The following HDAC9 variants were observed in gnomAD, a reference collection of about 807,000 sequenced individuals.
HDAC9 encodes the protein MEF-2 interacting transcription repressor (MITR) protein.
Under a neutral mutation model 139.4 loss-of-function variants are expected in HDAC9, and 41 were observed. The ratio of observed to expected loss-of-function variants is 0.29; its 90% CI spans 0.23 to 0.38. The LOEUF (loss-of-function observed/expected upper bound fraction) is 0.38. Among genes scored for constraint, HDAC9 ranks in the 10% least tolerant of loss-of-function variants. The probability of loss-of-function intolerance (pLI) is 1.00; values close to 1 mark genes in which losing one functional copy is unlikely to be tolerated. For synonymous variants in HDAC9, 517 were observed against 476.2 expected, an observed-to-expected ratio of 1.09 and a Z score of -1.12; for missense variants, 1,147 against 1,297.0, an observed-to-expected ratio of 0.88 and a Z score of 1.78.
At chr7:18,296,739 G>A (rs1798176572) in intron 1 of HDAC9, among the ~76,000 whole-genome samples, 1 of 152,110 alleles carries the variant, frequency 6.6e-6, no homozygotes, top group Non-Finnish European at 1.5e-5. Context: ...TGGCTTTGAG[G>A]CTTGGCACCA....
intron 2 of HDAC9, among the ~76,000 whole-genome samples, chr7:18,497,040 C>T (rs527912765): frequency 2.0e-5 from 3 of 152,076 alleles, no homozygotes; most frequent in Non-Finnish European, 4.4e-5. Flanking sequence ...TTTCTAGTTT[C>T]TCAAGGAGAT....
rs535007165 is a variant in HDAC9, at chr7:18,142,818, G to A, written c.-96-19411G>A. Among the ~76,000 whole-genome samples the A allele has an allele frequency of 1.1e-4, 16 of 152,236 alleles. 1 individual carries two copies. Among genetic ancestry groups the A allele is most frequent in the African/African-American group, 2.4e-4 (10 of 41,528 alleles). On this transcript the variant is annotated intron_variant, in intron 1 of 12. Transcript: ENST00000417496. ...GCGGGTCAAGACTATTCAGCTTCACGTTCACAACTTCTGCCTCCTCCTCTC... is the reference window on the plus strand; with the variant it reads ...GCGGGTCAAGACTATTCAGCTTCACATTCACAACTTCTGCCTCCTCCTCTC...
chr7:18,656,500 T>G (rs1433481653), intron 11 of HDAC9, among the ~76,000 whole-genome samples: 1 of 152,124 alleles, frequency 6.6e-6, no homozygotes, highest in Non-Finnish European at 1.5e-5. Flanking sequence ...ATCTATCATC[T>G]TGATAGATTT....
chr7:18,572,366 A>T (rs1156450258), intron 2 of HDAC9, among the ~76,000 whole-genome samples: 1 of 151,346 alleles, frequency 6.6e-6, no homozygotes, highest in Non-Finnish European at 1.5e-5. Context: ...TATGACAAAT[A>T]GCTATTTCAA....
chr7:18,397,482 G>A (rs867093917), intron 1 of HDAC9, among the ~76,000 whole-genome samples: 10 of 152,072 alleles, frequency 6.6e-5, no homozygotes, highest in South Asian at 2.1e-4. Flanking sequence ...GAGATGGATC[G>A]TACACTTTAT....
At chr7:18,905,167 A>G (rs771764177) in intron 22 of HDAC9, among the ~76,000 whole-genome samples, 12 of 152,202 alleles carry the variant, frequency 7.9e-5, no homozygotes, top group Non-Finnish European at 1.3e-4. Context: ...CTGGGATTAC[A>G]GGCGTGAGCC....
chr7:18,711,911 C>G (rs545696847), intron 12 of HDAC9, among the ~76,000 whole-genome samples: 11 of 150,398 alleles, frequency 7.3e-5, no homozygotes, highest in African/African-American at 2.5e-4. Flanking sequence ...CCCATCTCTT[C>G]TCTCATTTCT....
chr7:18,556,537 A>C (rs1317005164), intron 2 of HDAC9, among the ~76,000 whole-genome samples: 1 of 152,046 alleles, frequency 6.6e-6, no homozygotes, highest in Non-Finnish European at 1.5e-5. Flanking sequence ...TTTACTATCT[A>C]AATAATGTCT....
In HDAC9 at chr7:18,422,827, C is replaced by A. The variant is rs1460701546; in HGVS notation, c.-41-73435C>A. Among the ~76,000 whole-genome samples the A allele has an allele frequency of 2.6e-5, 4 of 151,834 alleles. No homozygotes were observed. In the South Asian group the frequency reaches 8.3e-4, roughly 32 times the overall value. On this transcript the variant is annotated intron_variant, in intron 1 of 3. Coordinates refer to the HDAC9 transcript ENST00000413509. ...GATTGGGTTAAAGGTTATTTTTTTC[C>A]CCTCTCAAGACTGGTTTCCTATCTT...
At chr7:18,701,783 G>A (rs1019827594) in intron 12 of HDAC9, among the ~76,000 whole-genome samples, 4 of 152,212 alleles carry the variant, frequency 2.6e-5, no homozygotes, top group African/African-American at 9.6e-5. Context: ...ACATATCTGT[G>A]ATGTCTTGTA....
Position 18,183,110 on chromosome 7 carries a change from C to T in HDAC9, c.25+20761C>T, listed in dbSNP as rs540181393. Among the ~76,000 whole-genome samples the T allele has an allele frequency of 2.1e-4, 32 of 151,912 alleles. No homozygotes were observed. The East Asian group carries it at 5.8e-3, about 28-fold the overall frequency. On this transcript the variant is annotated intron_variant, in intron 2 of 12. Coordinates refer to the HDAC9 transcript ENST00000417496. The stretch of plus-strand genomic sequence containing the variant: ...CTGCAAGCTCCGCCTCCTGGGTTCA[C>T]GCCATTCTCCTGCCTCAGCTTCCCG...
chr7:18,279,053 G>A (rs558081421), intron 2 of HDAC9, among the ~76,000 whole-genome samples: 27 of 152,228 alleles, frequency 1.8e-4, no homozygotes, highest in African/African-American at 5.8e-4. Flanking sequence ...CCAATCTCAG[G>A]CGTGGACAGA....
chr7:18,266,164 T>G (rs898688045), intron 2 of HDAC9, among the ~76,000 whole-genome samples: 5 of 152,202 alleles, frequency 3.3e-5, no homozygotes, highest in Non-Finnish European at 7.4e-5. Flanking sequence ...TTGTACATTA[T>G]CTAACAAAAC....
chr7:18,719,011 C>T (rs1364057134), intron 12 of HDAC9, among the ~76,000 whole-genome samples: 1 of 152,146 alleles, frequency 6.6e-6, no homozygotes, highest in Non-Finnish European at 1.5e-5. Context: ...TTACAAATCC[C>T]TGATAGCTAA....
intron 2 of HDAC9, among the ~76,000 whole-genome samples, chr7:18,190,831 A>G (rs1790299354): frequency 6.6e-6 from 1 of 152,132 alleles, no homozygotes. Flanking sequence ...TATGTCCCAA[A>G]TTCCTTTTAA....
chr7:18,885,319 G>A (rs1455982972), intron 22 of HDAC9, among the ~76,000 whole-genome samples: 3 of 152,180 alleles, frequency 2.0e-5, no homozygotes, highest in African/African-American at 4.8e-5. Context: ...ATTGATGATA[G>A]AATTATAATA....
At chr7:18,875,105 G>A (rs1384267888) in intron 22 of HDAC9, among the ~76,000 whole-genome samples, 1 of 152,150 alleles carries the variant, frequency 6.6e-6, no homozygotes, top group Non-Finnish European at 1.5e-5. Context: ...CTTCTGTTGT[G>A]TTGCAAAGTT....
Position 18,573,516 on chromosome 7 carries a change from C to T in HDAC9, c.23-11765C>T, listed in dbSNP as rs896408071. 1.3e-4 allele frequency among the ~76,000 whole-genome samples: 20 copies of T among 152,318 alleles called. No homozygotes were observed. The East Asian group carries it at 3.7e-3, about 28-fold the overall frequency. On this transcript the variant is annotated intron_variant, in intron 2 of 25. Coordinates refer to ENST00000686413, the MANE Select transcript of HDAC9 (RefSeq NM_178425.4). ...TTGCTAGTGCCCGTTTCTTTCCACC[C>T]ACTCGGCTCAACAGGCTGCACTCGG...
chr7:18,139,265 G>A (rs1444235689), intron 1 of HDAC9, among the ~76,000 whole-genome samples: 1 of 151,440 alleles, frequency 6.6e-6, no homozygotes, highest in Non-Finnish European at 1.5e-5. Flanking sequence ...AGCTGGTACT[G>A]CAGGCATGTG....
Sources: allele counts gnomAD v4.1 joint callset (sites outside exome capture counted in the v4.1 genomes callset), GRCh38; gene constraint gnomAD v4.1.1; transcripts MANE v1.5; gene names NCBI Gene and HGNC (gene_info 2026-07-23, HGNC 2026-07-21).